Variants in LRRC7 observed in about 807,000 individuals in gnomAD.
LRRC7 encodes leucine rich repeat containing 7, also known as leucine-rich repeat-containing protein 7.
Under a neutral mutation model 175.7 loss-of-function variants are expected in LRRC7, and 23 were observed. The ratio of observed to expected loss-of-function variants is 0.13; its 90% CI spans 0.09 to 0.19. LRRC7 has a LOEUF of 0.19. Ranked by LOEUF, LRRC7 falls within the 10% of genes least tolerant of loss-of-function variation. The pLI is 1.00. For missense variants in LRRC7, 1,354 were observed against 1,904.7 expected, an observed-to-expected ratio of 0.71 and a Z score of 5.38; for synonymous variants, 685 against 680.9, an observed-to-expected ratio of 1.01 and a Z score of -0.09.
intron 24 of LRRC7, among the ~76,000 whole-genome samples, chr1:70,076,753 G>C (rs1490735513): frequency 1.3e-5 from 2 of 152,148 alleles, no homozygotes; most frequent in African/African-American, 4.8e-5. Flanking sequence ...GAATGGTGCA[G>C]AGATAAAGCT....
chr1:69,717,077 ACT>A (rs1665447116), intron 2 of LRRC7, among the ~76,000 whole-genome samples: 1 of 117,618 alleles, frequency 8.5e-6, no homozygotes, highest in Admixed American at 9.3e-5. Context: ...ATATATACAT[ACT>A]TTTTTTTCAA....
At chr1:69,672,006 TA>T (rs869208740) in intron 1 of LRRC7, among the ~76,000 whole-genome samples, 5 of 152,162 alleles carry the variant, frequency 3.3e-5, no homozygotes, top group African/African-American at 7.2e-5. Flanking sequence ...GAAGGCACTT[TA>T]AAAAAATTTT....
At chr1:69,616,070 A>G (rs983905233) in intron 1 of LRRC7, among the ~76,000 whole-genome samples, 17 of 152,208 alleles carry the variant, frequency 1.1e-4, no homozygotes, top group African/African-American at 2.4e-5. Context: ...CTGTTTCTCT[A>G]CTACCACTTA....
intron 25 of LRRC7, among the ~76,000 whole-genome samples, chr1:70,090,263 A>G (rs1261933062): frequency 6.6e-6 from 1 of 152,160 alleles, no homozygotes; most frequent in African/African-American, 2.4e-5. Context: ...CCATCTCTTC[A>G]ATTCATCAAG....
chr1:69,657,755 G>A (rs992121367), intron 1 of LRRC7, among the ~76,000 whole-genome samples: 5 of 151,652 alleles, frequency 3.3e-5, no homozygotes, highest in African/African-American at 1.2e-4. Flanking sequence ...TTAAAATTTT[G>A]TCTAGGAATA....
chr1:69,695,004 C>T (rs572928862), intron 2 of LRRC7, among the ~76,000 whole-genome samples: 4 of 152,136 alleles, frequency 2.6e-5, no homozygotes, highest in East Asian at 3.9e-4. Flanking sequence ...AATATACGTT[C>T]GGAACTGGAT....
chr1:69,585,050 T>C (rs1254581430), intron 1 of LRRC7, among the ~76,000 whole-genome samples: 1 of 152,334 alleles, frequency 6.6e-6, no homozygotes, highest in African/African-American at 2.4e-5. Context: ...TCCATGTTCA[T>C]TGATTGTAAA....
At chr1:69,964,465 C>T (rs191462924) in intron 8 of LRRC7, among the ~76,000 whole-genome samples, 16 of 152,274 alleles carry the variant, frequency 1.1e-4, no homozygotes, top group Admixed American at 8.5e-4. Context: ...GATGCTACCC[C>T]ACTCATTGGA....
chr1:69,949,374 C>G (rs943960861), intron 8 of LRRC7, among the ~76,000 whole-genome samples: 2 of 152,076 alleles, frequency 1.3e-5, no homozygotes, highest in African/African-American at 4.8e-5. Flanking sequence ...GAGTTTGTGA[C>G]CAGTCTGACC....
chr1:69,851,736 C>T (rs1196241264), intron 7 of LRRC7, among the ~76,000 whole-genome samples: 2 of 152,046 alleles, frequency 1.3e-5, no homozygotes, highest in African/African-American at 4.8e-5. Flanking sequence ...AGGGTGGTGT[C>T]CTAGAATCTT....
chr1:69,650,100 T>C (rs1483336588), intron 1 of LRRC7, among the ~76,000 whole-genome samples: 1 of 152,186 alleles, frequency 6.6e-6, no homozygotes, highest in Non-Finnish European at 1.5e-5. Flanking sequence ...AGCACAACAG[T>C]AATAATCTTA....
chr1:69,910,274 G>A (rs1646480868), intron 7 of LRRC7, among the ~76,000 whole-genome samples: 1 of 152,156 alleles, frequency 6.6e-6, no homozygotes, highest in African/African-American at 2.4e-5. Flanking sequence ...GCTTTTTAGA[G>A]GTTCCAGTTT....
chr1:70,036,722 C>T, intron 20 of LRRC7, 98 bp downstream of exon 20: 2 of 1,307,570 alleles, frequency 1.5e-6, no homozygotes, highest in Non-Finnish European at 2.1e-6. Context: ...ATTCGGCACA[C>T]AAGTGGCATA....
intron 21 of LRRC7, among the ~76,000 whole-genome samples, chr1:70,040,229 G>A (rs1659749167): frequency 6.6e-6 from 1 of 152,128 alleles, no homozygotes; most frequent in African/African-American, 2.4e-5. Context: ...GGCCTAATTT[G>A]TTTATAAAAT....
intron 2 of LRRC7, among the ~76,000 whole-genome samples, chr1:69,697,900 T>G (rs972546758): frequency 5.3e-5 from 8 of 152,334 alleles, no homozygotes; most frequent in Middle Eastern, 3.4e-3. Flanking sequence ...GGCTTACTGC[T>G]GTACAACTGA....
chr1:69,971,847 C>T (rs1652268087), intron 8 of LRRC7, among the ~76,000 whole-genome samples: 2 of 152,130 alleles, frequency 1.3e-5, no homozygotes, highest in Non-Finnish European at 1.5e-5. Context: ...AATCTGGAGC[C>T]ATCACATTAC....
intron 7 of LRRC7, among the ~76,000 whole-genome samples, chr1:69,927,681 G>T (rs908456532): frequency 3.9e-5 from 6 of 152,044 alleles, no homozygotes; most frequent in African/African-American, 1.4e-4. Context: ...GGACTTCTCT[G>T]TATTGGTTAT....
intron 9 of LRRC7, among the ~76,000 whole-genome samples, chr1:69,983,493 C>A (rs927466880): frequency 6.6e-6 from 1 of 152,248 alleles, no homozygotes; most frequent in African/African-American, 2.4e-5. Flanking sequence ...CCCCCAGCTT[C>A]TGGAAATGCT....
rs147977711 is a variant in LRRC7, at chr1:69,774,746, C to A, written c.303+14353C>A. 8.2e-4 allele frequency among the ~76,000 whole-genome samples: 125 copies of A among 152,008 alleles called. 1 individual carries two copies. Among genetic ancestry groups the A allele is most frequent in the African/African-American group, 2.8e-3 (118 of 41,442 alleles). On this transcript the variant is annotated intron_variant, in intron 3 of 26. Coordinates refer to ENST00000651989, the MANE Select transcript of LRRC7 (RefSeq NM_001370785.2). ...TGTCAGCATTTACTACTGATTTAAC[C>A]GAAGATTTGGATGTAAGTATGCTGG...
Sources: gnomAD v4.1 joint callset for allele counts (sites outside exome capture counted in the v4.1 genomes callset) on GRCh38, gnomAD v4.1.1 for gene constraint, MANE v1.5 for transcripts, NCBI Gene and HGNC (gene_info 2026-07-23, HGNC 2026-07-21) for gene names.